The following RSF1 variants were observed in gnomAD, a reference collection of about 807,000 sequenced individuals.
RSF1 encodes HBV pX-associated protein 8.
A neutral mutation model predicts 145.2 loss-of-function variants in RSF1; 13 were observed. The observed-to-expected ratio is 0.09, with a 90% confidence interval of 0.06 to 0.14. The LOEUF (loss-of-function observed/expected upper bound fraction) is 0.14. RSF1 is among the 10% of genes least tolerant of loss of function. The pLI is 1.00. For missense variants in RSF1, 1,517 were observed against 1,718.2 expected, an observed-to-expected ratio of 0.88 and a Z score of 2.07; for synonymous variants, 577 against 592.6, an observed-to-expected ratio of 0.97 and a Z score of 0.38.
intron 7 of RSF1, among the ~76,000 whole-genome samples, chr11:77,695,011 G>T (rs1960247325): frequency 6.6e-6 from 1 of 152,130 alleles, no homozygotes. Flanking sequence ...TGTTATCAAT[G>T]ACTTACTACT....
intron 9 of RSF1, among the ~76,000 whole-genome samples, 158 bp from the exon 10 acceptor site, chr11:77,685,317 A>G (rs985377707): frequency 6.6e-6 from 1 of 152,204 alleles, no homozygotes; most frequent in African/African-American, 2.4e-5. Context: ...TTATTTATAG[A>G]CAAGGTCTCA....
the RSF1 span, among the ~76,000 whole-genome samples, chr11:77,830,987 C>CAA: frequency 0.018 from 1,833 of 100,378 alleles, 49 homozygotes; most frequent in African/African-American, 0.059. Context: ...CAAAATATAC[C>CAA]AAAAAAAAAA....
intron 9 of RSF1, among the ~76,000 whole-genome samples, chr11:77,687,059 G>A (rs1960028568): frequency 6.6e-6 from 1 of 152,162 alleles, no homozygotes; most frequent in Non-Finnish European, 1.5e-5. Flanking sequence ...GTGAATATAA[G>A]TGCTTACTTT....
At chr11:77,693,877 C>T (rs1247949011) in intron 7 of RSF1, among the ~76,000 whole-genome samples, 1 of 151,986 alleles carries the variant, frequency 6.6e-6, no homozygotes, top group Non-Finnish European at 1.5e-5. Context: ...CTCCGTCTCC[C>T]GGGTTCAAGT....
At chr11:77,849,379 G>A in the RSF1 span, among the ~76,000 whole-genome samples, 1 of 151,868 alleles carries the variant, frequency 6.6e-6, no homozygotes, top group African/African-American at 2.4e-5. Flanking sequence ...GTGTGACCAC[G>A]CCCGGCTAAT....
At chr11:77,721,423 C>G (rs1263990402) in intron 5 of RSF1, among the ~76,000 whole-genome samples, 1 of 152,146 alleles carries the variant, frequency 6.6e-6, no homozygotes, top group Non-Finnish European at 1.5e-5. Context: ...GGGTGAGAGA[C>G]AGGGTTTTTG....
intron 1 of RSF1, among the ~76,000 whole-genome samples, chr11:77,784,169 A>G (rs1288087203): frequency 5.3e-5 from 8 of 152,346 alleles, no homozygotes; most frequent in Admixed American, 1.3e-4. Context: ...TCCACAGACC[A>G]GTGAAGCACT....
At chr11:77,799,146 A>G (rs1053571559) in intron 1 of RSF1, among the ~76,000 whole-genome samples, 53 of 152,220 alleles carry the variant, frequency 3.5e-4, no homozygotes, top group African/African-American at 1.1e-3. Context: ...AATGATATCT[A>G]GAATATACAA....
intron 2 of RSF1, among the ~76,000 whole-genome samples, chr11:77,751,087 T>G (rs1435096865): frequency 6.6e-6 from 1 of 152,026 alleles, no homozygotes; most frequent in East Asian, 1.9e-4. Flanking sequence ...AGGATGAGGA[T>G]GGAAAATGTT....
chr11:77,704,456 T>A (rs937093334), intron 5 of RSF1, among the ~76,000 whole-genome samples: 4 of 152,232 alleles, frequency 2.6e-5, no homozygotes, highest in South Asian at 4.1e-4. Context: ...AACGTAAAAT[T>A]AAGTTTCTCA....
chr11:77,684,100 A>G (rs2135828322), intron 10 of RSF1, among the ~76,000 whole-genome samples: 1 of 152,348 alleles, frequency 6.6e-6, no homozygotes, highest in South Asian at 2.1e-4. Flanking sequence ...AAGTTTTTCC[A>G]TTGATAAATA....
intron 1 of RSF1, among the ~76,000 whole-genome samples, chr11:77,785,454 G>A (rs1948444294): frequency 6.6e-6 from 1 of 152,148 alleles, no homozygotes; most frequent in Non-Finnish European, 1.5e-5. Context: ...GCCAGCCGTG[G>A]TGGCATACAC....
At chr11:77,870,799 CACTT>C in the RSF1 span, among the ~76,000 whole-genome samples, 1 of 152,166 alleles carries the variant, frequency 6.6e-6, no homozygotes, top group Non-Finnish European at 1.5e-5. Flanking sequence ...AATATATACA[CACTT>C]ACACATATAG....
the RSF1 span, among the ~76,000 whole-genome samples, chr11:77,839,040 C>G: frequency 6.6e-6 from 1 of 152,228 alleles, no homozygotes; most frequent in South Asian, 2.1e-4. Context: ...TTGTTTATTT[C>G]TTTGTGCTTT....
intron 15 of RSF1, among the ~76,000 whole-genome samples, chr11:77,671,356 T>C (rs900569251): frequency 1.3e-5 from 2 of 150,982 alleles, no homozygotes; most frequent in African/African-American, 4.9e-5. Context: ...GAAATCATAG[T>C]CAAGGTGAAA....
chr11:77,817,439 G>C (rs1395032876), intron 1 of RSF1, among the ~76,000 whole-genome samples: 1 of 152,110 alleles, frequency 6.6e-6, no homozygotes, highest in Non-Finnish European at 1.5e-5. Flanking sequence ...TAGAAATGTG[G>C]CACAACCTTG....
the RSF1 span, among the ~76,000 whole-genome samples, chr11:77,867,224 C>T: frequency 6.6e-6 from 1 of 152,178 alleles, no homozygotes; most frequent in Non-Finnish European, 1.5e-5. Flanking sequence ...TTCTTTCTCT[C>T]GCCCATTTGT....
At chr11:77,677,699 AATAGGTT>A (rs948749665) in intron 12 of RSF1, among the ~76,000 whole-genome samples, 2 of 152,226 alleles carry the variant, frequency 1.3e-5, no homozygotes, top group African/African-American at 4.8e-5. Context: ...ACCAATTTTT[AATAGGTT>A]AACTTAAAAA....
intron 2 of RSF1, among the ~76,000 whole-genome samples, chr11:77,758,770 A>G (rs1256901252): frequency 6.6e-6 from 1 of 152,104 alleles, no homozygotes; most frequent in Non-Finnish European, 1.5e-5. Flanking sequence ...AAATTTTGCC[A>G]TTTGGGTTGT....
Sources: gnomAD v4.1 joint callset for allele counts (sites outside exome capture counted in the v4.1 genomes callset) on GRCh38, gnomAD v4.1.1 for gene constraint, MANE v1.5 for transcripts, NCBI Gene and HGNC (gene_info 2026-07-23, HGNC 2026-07-21) for gene names.